Variants in RUSC2 observed in about 807,000 individuals in gnomAD.
The protein encoded by RUSC2 is AP-4 complex accessory subunit RUSC2.
Under a neutral mutation model 122.2 loss-of-function variants are expected in RUSC2, and 34 were observed. That is an observed-to-expected ratio of 0.28 (90% CI 0.21 to 0.37). RUSC2 has a LOEUF of 0.37. RUSC2 is among the 10% of genes least tolerant of loss of function. The probability of loss-of-function intolerance (pLI) is 1.00; values close to 1 mark genes in which losing one functional copy is unlikely to be tolerated. For missense variants in RUSC2, 1,747 were observed against 1,952.4 expected (o/e 0.89, Z 1.98); for synonymous variants, 784 against 790.0 (o/e 0.99, Z 0.13).
chr9:35,514,317 G>A (rs1821064754), intron 1 of RUSC2, among the ~76,000 whole-genome samples: 1 of 152,128 alleles, frequency 6.6e-6, no homozygotes, highest in Non-Finnish European at 1.5e-5. Flanking sequence ...TAGACAAATG[G>A]AGGGGCAGTG....
chr9:35,532,241 T>C (rs923649511), intron 1 of RUSC2, among the ~76,000 whole-genome samples: 3 of 152,140 alleles, frequency 2.0e-5, no homozygotes, highest in Non-Finnish European at 4.4e-5. Context: ...TGATAGGCTA[T>C]TGGAGATTTG....
chr9:35,517,714 C>T (rs1306290519), intron 1 of RUSC2, among the ~76,000 whole-genome samples: 1 of 152,170 alleles, frequency 6.6e-6, no homozygotes, highest in Admixed American at 6.5e-5. Flanking sequence ...TCTCTGGGCA[C>T]AGACTGGGCC....
intron 1 of RUSC2, among the ~76,000 whole-genome samples, chr9:35,544,882 T>C (rs935830834): frequency 6.6e-6 from 1 of 152,186 alleles, no homozygotes; most frequent in African/African-American, 2.4e-5. Context: ...CTGTAACCCT[T>C]AATCTTGTAG....
intron 1 of RUSC2, among the ~76,000 whole-genome samples, chr9:35,490,785 C>T (rs1466120474): frequency 1.3e-5 from 2 of 152,214 alleles, no homozygotes; most frequent in Non-Finnish European, 2.9e-5. Flanking sequence ...CCTACTACTG[C>T]ACTCACTTGC....
At chr9:35,494,355 G>A (rs142168044) in intron 1 of RUSC2, among the ~76,000 whole-genome samples, 169 of 152,124 alleles carry the variant, frequency 1.1e-3, no homozygotes, top group African/African-American at 3.8e-3. Flanking sequence ...AATCCCTGAG[G>A]CAGGAGGCTG....
rs145598491 is a variant in RUSC2, at chr9:35,556,042, G to A, written c.2747G>A (p.Arg916Gln). The A allele has an allele frequency of 9.1e-4, 1,461 of 1,614,206 alleles. 1 individual carries two copies. Among genetic ancestry groups the A allele is most frequent in the Non-Finnish European group, 1.2e-3 (1,382 of 1,180,036 alleles). The change falls in exon 4 of 12, where the codon CGA becomes CAA. Residue 916 changes from arginine (R) to glutamine (Q), a missense_variant. Arg to Gln is a conservative substitution (Grantham distance 43). Coordinates refer to ENST00000361226, the MANE Select transcript of RUSC2 (RefSeq NM_014806.5). ...CCTGGTTTGTCAGGGAGCCTAGACC[G>A]AAGATCACAAGAAGCTCGGCTGGCC... ...GPPGLSGSLD[R>Q]RSQEARLARR...
chr9:35,555,664 AGGT>A lies in RUSC2; in HGVS notation c.2624_2626del (p.Gly875del). 1 of 1,603,714 alleles carries A rather than the reference AGGT, an allele frequency of 6.2e-7. No individual in the cohort carries two copies. The highest frequency in any genetic ancestry group is 1.8e-4 in the Middle Eastern group (1 of 5,688). On this transcript the variant is annotated inframe_deletion, in exon 3 of 12. Transcript: ENST00000361226. The surrounding 1 kb of genome is among the most constrained non-coding windows in gnomAD (Gnocchi z 4.6). ...GCCGAGCAGAGAGCCTGGCCCGGGGAGGTGGTGAGGGCAGCATGGCCACCAGGC... is the reference window on the plus strand; with the variant it reads ...GCCGAGCAGAGAGCCTGGCCCGGGGAGGTGAGGGCAGCATGGCCACCAGGC...
intron 1 of RUSC2, among the ~76,000 whole-genome samples, chr9:35,520,134 C>T (rs938161132): frequency 1.2e-4 from 18 of 152,208 alleles, no homozygotes; most frequent in East Asian, 3.9e-4. Flanking sequence ...CTGCCACCTG[C>T]GAGTGAGCCA....
At chr9:35,520,367 T>C (rs1409967543) in intron 1 of RUSC2, among the ~76,000 whole-genome samples, 2 of 152,176 alleles carry the variant, frequency 1.3e-5, no homozygotes, top group Admixed American at 6.5e-5. Flanking sequence ...TGTACTTGAA[T>C]AAAAAGATTC....
chr9:35,512,385 A>G (rs1172612591), intron 1 of RUSC2, among the ~76,000 whole-genome samples: 22 of 152,204 alleles, frequency 1.4e-4, no homozygotes, highest in Admixed American at 1.3e-3. Flanking sequence ...AGCTTTCTCA[A>G]TGAATTATAA....
intron 1 of RUSC2, among the ~76,000 whole-genome samples, chr9:35,502,136 G>A: frequency 6.6e-6 from 1 of 152,066 alleles, no homozygotes; most frequent in Non-Finnish European, 1.5e-5. Context: ...ATCTGGCATG[G>A]GGCCCAAGTA....
intron 1 of RUSC2, among the ~76,000 whole-genome samples, chr9:35,504,359 G>T (rs1820871296): frequency 6.6e-6 from 1 of 151,924 alleles, no homozygotes; most frequent in Non-Finnish European, 1.5e-5. Flanking sequence ...TTGTTTTAAA[G>T]TTCAAACTTT....
Position 35,548,373 on chromosome 9 carries a change from T to C in RUSC2, c.1852T>C (p.Ser618Pro), listed in dbSNP as rs1213861381. ...LLGPDPSPPW[S>P]TQVCQGPHSS... Reference sequence around the variant, plus strand: ...TGGCCCAGACCCAAGTCCACCCTGGTCCACCCAGGTCTGTCAGGGACCCCA... The same window carrying C: ...TGGCCCAGACCCAAGTCCACCCTGGCCCACCCAGGTCTGTCAGGGACCCCA... The change falls in exon 2 of 12, where the codon TCC (serine) becomes CCC (proline). Residue 618 changes from serine to proline, a missense_variant. Ser to Pro is a moderately conservative substitution (Grantham distance 74). Transcript: ENST00000361226. The surrounding 1 kb of genome is among the most constrained non-coding windows in gnomAD (Gnocchi z 4.5). 1 of 1,614,042 alleles carries C rather than the reference T, an allele frequency of 6.2e-7. No homozygotes were observed. Among genetic ancestry groups the C allele is most frequent in the East Asian group, 2.2e-5 (1 of 44,876 alleles).
chr9:35,534,386 G>A (rs1821481233), intron 1 of RUSC2, among the ~76,000 whole-genome samples: 1 of 150,870 alleles, frequency 6.6e-6, no homozygotes, highest in South Asian at 2.1e-4. Context: ...ACCAGCCTGG[G>A]CAACAGAGTG....
chr9:35,515,475 C>T (rs1821085726), intron 1 of RUSC2, among the ~76,000 whole-genome samples: 1 of 151,540 alleles, frequency 6.6e-6, no homozygotes, highest in Admixed American at 6.6e-5. Context: ...CAAACAAGAC[C>T]CAAATTAAGG....
intron 1 of RUSC2, among the ~76,000 whole-genome samples, chr9:35,509,754 C>G (rs568910057): frequency 6.6e-6 from 1 of 152,290 alleles, no homozygotes; most frequent in Admixed American, 6.5e-5. Flanking sequence ...TCCTGATTCA[C>G]ATTTATTATA....
intron 1 of RUSC2, among the ~76,000 whole-genome samples, chr9:35,518,633 C>T (rs1821152770): frequency 1.3e-5 from 2 of 152,284 alleles, no homozygotes; most frequent in East Asian, 3.9e-4. Flanking sequence ...TATCTAGGCA[C>T]AGCTCCTGGC....
chr9:35,546,782 G>A lies in RUSC2; in HGVS notation c.261G>A (p.Arg87=). The A allele has an allele frequency of 6.2e-7, 1 of 1,607,968 alleles. No homozygotes were observed. Among genetic ancestry groups the A allele is most frequent in the East Asian group, 2.2e-5 (1 of 44,870 alleles). The part of the protein sequence containing the change: ...TARSIDSTKS[R]SRDGRGPGAP... ...GGTCTATAGACAGCACCAAGAGTAG[G>A]AGTCGGGATGGAAGAGGCCCTGGAG... is the stretch of plus-strand genomic sequence containing the variant. The change falls in exon 2 of 12, where the codon AGG becomes AGA. Residue 87 remains arginine, a synonymous_variant. Coordinates refer to ENST00000361226, the MANE Select transcript of RUSC2 (RefSeq NM_014806.5). The surrounding 1 kb of genome is among the most constrained non-coding windows in gnomAD (Gnocchi z 4.3).
chr9:35,507,658 C>T (rs768806366), intron 1 of RUSC2: 1 of 232,260 alleles, frequency 4.3e-6, no homozygotes, highest in Non-Finnish European at 9.0e-6. Flanking sequence ...GGCAAGGATT[C>T]TCTGTGTGTC....
Sources: gnomAD v4.1 joint callset for allele counts (sites outside exome capture counted in the v4.1 genomes callset) on GRCh38, gnomAD v4.1.1 for gene constraint, Gnocchi (gnomAD v3.1) non-coding constraint, MANE v1.5 for transcripts, NCBI Gene and HGNC (gene_info 2026-07-23, HGNC 2026-07-21) for gene names.